The following DSCAML1 variants were observed in gnomAD, a reference collection of about 807,000 sequenced individuals.
The protein encoded by DSCAML1 is cell adhesion molecule DSCAML1.
DSCAML1 carries 38 observed loss-of-function variants against 200.5 expected under a neutral mutation model. The observed-to-expected ratio is 0.19, with a 90% CI of 0.15 to 0.25. DSCAML1 has a LOEUF of 0.25. DSCAML1 is among the 10% of genes least tolerant of loss of function. DSCAML1 has a pLI of 1.00. For synonymous variants in DSCAML1, 1,215 were observed against 1,165.0 expected, an observed-to-expected ratio of 1.04 and a Z score of -0.87; for missense variants, 2,223 against 2,858.8, an observed-to-expected ratio of 0.78 and a Z score of 5.07.
intron 26 of DSCAML1, among the ~76,000 whole-genome samples, 167 bp from the exon 27 acceptor site, chr11:117,435,966 C>T (rs573078832): frequency 3.9e-5 from 6 of 152,294 alleles, no homozygotes; most frequent in Admixed American, 3.9e-4. Context: ...AAATTCTGGT[C>T]CTATCAGGAC....
At chr11:117,795,312 G>A (rs889791965) in intron 1 of DSCAML1, among the ~76,000 whole-genome samples, 6 of 152,134 alleles carry the variant, frequency 3.9e-5, no homozygotes, top group Non-Finnish European at 8.8e-5. Flanking sequence ...AAGGGGATGG[G>A]GGTTGGAGAG....
chr11:117,815,620 C>T (rs914558112), intron 1 of DSCAML1, among the ~76,000 whole-genome samples: 1 of 152,080 alleles, frequency 6.6e-6, no homozygotes, highest in Non-Finnish European at 1.5e-5. Context: ...CAGTAGCAGC[C>T]GCGGTGACTG....
intron 3 of DSCAML1, among the ~76,000 whole-genome samples, chr11:117,695,914 G>A (rs1295122069): frequency 3.3e-5 from 5 of 152,166 alleles, no homozygotes; most frequent in Admixed American, 6.5e-5. Context: ...GATTAAATAC[G>A]ACAAGTAAAG....
chr11:117,443,042 A>G (rs1230411617), intron 21 of DSCAML1, among the ~76,000 whole-genome samples: 1 of 152,160 alleles, frequency 6.6e-6, no homozygotes, highest in Non-Finnish European at 1.5e-5. Flanking sequence ...GGCCAAGAGA[A>G]GCTTGAGTGG....
rs1254241271 is a variant in DSCAML1, at chr11:117,428,418, C to G, written c.6072G>C (p.Arg2024Ser). 1 of 1,556,304 alleles carries G rather than the reference C, an allele frequency of 6.4e-7. No homozygotes were observed. Among genetic ancestry groups the G allele is most frequent in the Non-Finnish European group, 8.7e-7 (1 of 1,155,376 alleles). ...ATGTGCTCATCTCGAGAAGCGAGTCCCTGGAGCCCCCCATTTTGGTGTGTG... is the reference window on the plus strand; with the variant it reads ...ATGTGCTCATCTCGAGAAGCGAGTCGCTGGAGCCCCCCATTTTGGTGTGTG... The part of the protein sequence containing the change: ...GGPHTKMGGS[R>S]DSLLEMSTSG... Residue 2024 changes from arginine (R) to serine (S), a missense_variant, in exon 33 of 33, where the codon AGG becomes AGC. Physicochemically the swap from Arg to Ser is moderately radical, Grantham distance 110. Coordinates refer to ENST00000651296, the MANE Select transcript of DSCAML1 (RefSeq NM_020693.4).
chr11:117,682,360 C>T (rs1442753854), intron 3 of DSCAML1, among the ~76,000 whole-genome samples: 1 of 152,130 alleles, frequency 6.6e-6, no homozygotes, highest in Non-Finnish European at 1.5e-5. Context: ...CTGAAGACAC[C>T]CTCCCATGAG....
At chr11:117,792,218 T>C (rs2055480263) in intron 1 of DSCAML1, among the ~76,000 whole-genome samples, 1 of 152,168 alleles carries the variant, frequency 6.6e-6, no homozygotes, top group African/African-American at 2.4e-5. Flanking sequence ...CTCTGTGGGC[T>C]CTGGTGGGCC....
intron 3 of DSCAML1, among the ~76,000 whole-genome samples, chr11:117,575,862 CAAAACAA>C (rs2050923718): frequency 6.7e-6 from 1 of 150,080 alleles, no homozygotes; most frequent in Non-Finnish European, 1.5e-5. Context: ...CAAAACAAAA[CAAAACAA>C]AACAAAACAA....
At chr11:117,706,616 G>A (rs1258110501) in intron 3 of DSCAML1, among the ~76,000 whole-genome samples, 2 of 152,206 alleles carry the variant, frequency 1.3e-5, no homozygotes, top group Non-Finnish European at 2.9e-5. Context: ...TGCAAATGCC[G>A]TGTGTCGCAG....
chr11:117,637,964 G>T (rs2052325800), intron 3 of DSCAML1, among the ~76,000 whole-genome samples: 1 of 152,174 alleles, frequency 6.6e-6, no homozygotes, highest in Non-Finnish European at 1.5e-5. Flanking sequence ...ATTCTGTAGA[G>T]GCCCCCAGAA....
At chr11:117,540,662 C>T (rs1325508511) in intron 3 of DSCAML1, among the ~76,000 whole-genome samples, 6 of 143,760 alleles carry the variant, frequency 4.2e-5, no homozygotes, top group African/African-American at 1.1e-4. Context: ...GGACACAGGG[C>T]GGGGAACATC....
intron 3 of DSCAML1, among the ~76,000 whole-genome samples, chr11:117,609,365 A>C (rs1235328356): frequency 6.7e-6 from 1 of 148,156 alleles, no homozygotes; most frequent in Non-Finnish European, 1.5e-5. Context: ...TGGAGTGCAG[A>C]TGTGCGATCA....
chr11:117,716,309 C>G (rs552151727), intron 3 of DSCAML1, among the ~76,000 whole-genome samples: 1 of 152,254 alleles, frequency 6.6e-6, no homozygotes, highest in Non-Finnish European at 1.5e-5. Context: ...GAGCAAGTTA[C>G]GTTCCCTCTC....
chr11:117,543,294 G>T (rs1271645537), intron 3 of DSCAML1, among the ~76,000 whole-genome samples: 1 of 152,198 alleles, frequency 6.6e-6, no homozygotes, highest in Admixed American at 6.5e-5. Flanking sequence ...TGGTGCATGC[G>T]CTGGCATGTT....
At chr11:117,682,874 CTGA>C (rs2053335925) in intron 3 of DSCAML1, among the ~76,000 whole-genome samples, 1 of 152,176 alleles carries the variant, frequency 6.6e-6, no homozygotes, top group African/African-American at 2.4e-5. Context: ...TCCCATTCTA[CTGA>C]TGAGGAAACT....
At chr11:117,805,068 T>C (rs1313223518) in intron 1 of DSCAML1, among the ~76,000 whole-genome samples, 1 of 152,240 alleles carries the variant, frequency 6.6e-6, no homozygotes, top group Non-Finnish European at 1.5e-5. Context: ...TTGGATTTCC[T>C]GGGCTGACAT....
intron 3 of DSCAML1, among the ~76,000 whole-genome samples, chr11:117,563,883 G>A (rs1477849517): frequency 6.6e-6 from 1 of 152,162 alleles, no homozygotes; most frequent in Non-Finnish European, 1.5e-5. Flanking sequence ...GAGGAGAAAT[G>A]ATGGATGAAA....
At chr11:117,804,222 G>A (rs1388067976) in intron 1 of DSCAML1, among the ~76,000 whole-genome samples, 7 of 152,212 alleles carry the variant, frequency 4.6e-5, no homozygotes, top group South Asian at 4.1e-4. Context: ...TGGAGACCAC[G>A]GGGAATGTTG....
At chr11:117,507,235 A>G (rs978147321) in intron 8 of DSCAML1, among the ~76,000 whole-genome samples, 2 of 152,234 alleles carry the variant, frequency 1.3e-5, no homozygotes, top group African/African-American at 2.4e-5. Flanking sequence ...CTGCAGTCGA[A>G]TAATTAAATT....
Sources: allele counts gnomAD v4.1 joint callset (sites outside exome capture counted in the v4.1 genomes callset), GRCh38; gene constraint gnomAD v4.1.1; transcripts MANE v1.5; gene names NCBI Gene and HGNC (gene_info 2026-07-23, HGNC 2026-07-21).